ANKS1B: variants seen among roughly 807,000 people sequenced by gnomAD.
ANKS1B encodes the protein ankyrin repeat and sterile alpha motif domain containing 1B.
A neutral mutation model predicts 148.3 loss-of-function variants in ANKS1B; 36 were observed. The ratio of observed to expected loss-of-function variants is 0.24; its 90% CI spans 0.19 to 0.32. The LOEUF is 0.32. ANKS1B is among the 10% of genes least tolerant of loss of function. The pLI, the probability that ANKS1B is intolerant of heterozygous loss-of-function variation, is 1.00. For missense variants in ANKS1B, 1,157 were observed against 1,542.6 expected, an observed-to-expected ratio of 0.75 and a Z score of 4.19; for synonymous variants, 542 against 560.8, an observed-to-expected ratio of 0.97 and a Z score of 0.47.
intron 17 of ANKS1B, among the ~76,000 whole-genome samples, chr12:98,853,941 G>C (rs2099547093): frequency 6.6e-6 from 1 of 152,294 alleles, no homozygotes; most frequent in African/African-American, 2.4e-5. Context: ...CTCGGGGGCT[G>C]TTGTTCCATA....
intron 9 of ANKS1B, among the ~76,000 whole-genome samples, chr12:99,594,867 TAA>T (rs2097741782): frequency 1.3e-5 from 2 of 150,622 alleles, no homozygotes; most frequent in East Asian, 2.0e-4. Context: ...AATCTGATGT[TAA>T]GTGTTCTTAC....
intron 17 of ANKS1B, among the ~76,000 whole-genome samples, chr12:98,985,545 G>T (rs529199611): frequency 1.9e-4 from 29 of 151,296 alleles, no homozygotes; most frequent in Non-Finnish European, 3.4e-4. Flanking sequence ...TATTTTTAGT[G>T]GTTGCTCTAG....
intron 12 of ANKS1B, among the ~76,000 whole-genome samples, chr12:99,319,638 AGTCTGT>A (rs372718609): frequency 0.11 from 16,271 of 152,138 alleles, 842 homozygotes; most frequent in Non-Finnish European, 0.13. Context: ...CCAATTTGCC[AGTCTGT>A]GTCTTTTAAT....
Position 98,782,141 on chromosome 12 carries a change from G to A in ANKS1B, c.3343-4C>T. On this transcript the variant is annotated splice_polypyrimidine_tract_variant and splice_region_variant and intron_variant, in intron 22 of 26. Transcript: ENST00000683438. Reference sequence around the variant, plus strand: ...AAGAACCTACCTGACAGTTAGCCTGGTGGATTTTCCAGTTAAGACAGATGG... The same window carrying A: ...AAGAACCTACCTGACAGTTAGCCTGATGGATTTTCCAGTTAAGACAGATGG... 6.3e-7 allele frequency: 1 copy of A among 1,599,430 alleles called. No individual in the cohort carries two copies. The highest frequency in any genetic ancestry group is 8.5e-7 in the Non-Finnish European group (1 of 1,172,260).
intron 3 of ANKS1B, among the ~76,000 whole-genome samples, chr12:99,808,230 G>A (rs1212328327): frequency 1.3e-5 from 2 of 152,038 alleles, no homozygotes; most frequent in African/African-American, 4.8e-5. Flanking sequence ...GAAGTGTTCA[G>A]ACCCAAACAA....
chr12:99,666,216 G>A (rs573740325), intron 8 of ANKS1B, among the ~76,000 whole-genome samples: 1 of 152,236 alleles, frequency 6.6e-6, no homozygotes, highest in African/African-American at 2.4e-5. Flanking sequence ...ACGTTTATAA[G>A]CCTGGAATCA....
chr12:99,704,772 C>T lies in ANKS1B; in HGVS notation c.1129-49562G>A, dbSNP rs139208949. On this transcript the variant is annotated intron_variant, in intron 8 of 26. Coordinates refer to ENST00000683438, the MANE Select transcript of ANKS1B (RefSeq NM_001352186.2). ...CTCTAGCTAAATCTCTAGAAAGGTG[C>T]TGCATCTGACATTTCTTCAAATTAG... is the stretch of plus-strand genomic sequence containing the variant. 5.3e-3 allele frequency among the ~76,000 whole-genome samples: 801 copies of T among 152,194 alleles called. 7 individuals are homozygous for T. The highest frequency in any genetic ancestry group is 0.017 in the African/African-American group (721 of 41,532).
intron 15 of ANKS1B, among the ~76,000 whole-genome samples, chr12:99,142,493 GA>G (rs1243423173): frequency 6.6e-6 from 1 of 151,404 alleles, no homozygotes; most frequent in Non-Finnish European, 1.5e-5. Flanking sequence ...GGAAGGTTTT[GA>G]AAAAAAATCA....
intron 17 of ANKS1B, among the ~76,000 whole-genome samples, chr12:98,975,686 C>T (rs768609727): frequency 1.2e-4 from 18 of 151,978 alleles, no homozygotes; most frequent in Non-Finnish European, 2.5e-4. Context: ...GTCACAGGTG[C>T]CTCTCTGAGG....
At chr12:99,586,490 T>C (rs1239617165) in intron 9 of ANKS1B, among the ~76,000 whole-genome samples, 1 of 152,206 alleles carries the variant, frequency 6.6e-6, no homozygotes, top group Non-Finnish European at 1.5e-5. Flanking sequence ...TCCCAGTCTC[T>C]AGGAAGTTCC....
intron 9 of ANKS1B, among the ~76,000 whole-genome samples, chr12:99,605,013 G>GAATAAA (rs919822678): frequency 4.6e-5 from 7 of 151,544 alleles, no homozygotes; most frequent in African/African-American, 1.5e-4. Flanking sequence ...TACATAAAAG[G>GAATAAA]AATAAAAACT....
intron 1 of ANKS1B, among the ~76,000 whole-genome samples, chr12:99,927,790 A>G (rs2094509252): frequency 6.6e-6 from 1 of 152,022 alleles, no homozygotes; most frequent in South Asian, 2.1e-4. Flanking sequence ...TCTTTAAAAG[A>G]AAAAAAAGAA....
intron 1 of ANKS1B, among the ~76,000 whole-genome samples, chr12:99,978,202 G>A (rs1335927736): frequency 6.6e-6 from 1 of 152,214 alleles, no homozygotes; most frequent in Non-Finnish European, 1.5e-5. Context: ...CTGCCTTAAT[G>A]TCAGTGAAGA....
At chr12:99,661,297 T>C (rs1360200613) in intron 8 of ANKS1B, among the ~76,000 whole-genome samples, 3 of 152,174 alleles carry the variant, frequency 2.0e-5, no homozygotes, top group Non-Finnish European at 4.4e-5. Flanking sequence ...ACCTTAGGTA[T>C]AGATGAGAAG....
intron 3 of ANKS1B, 96 bp downstream of exon 3, chr12:99,812,059 T>C (rs536830454): frequency 7.0e-7 from 1 of 1,431,750 alleles, no homozygotes; most frequent in Non-Finnish European, 9.3e-7. Context: ...GAAAGGCCTT[T>C]GGGCAAGGTA....
chr12:99,392,587 A>G (rs1246423944), intron 12 of ANKS1B, among the ~76,000 whole-genome samples: 1 of 152,222 alleles, frequency 6.6e-6, no homozygotes, highest in African/African-American at 2.4e-5. Flanking sequence ...TGCCCTTGAG[A>G]AAGTGCTAAT....
intron 17 of ANKS1B, among the ~76,000 whole-genome samples, chr12:99,003,711 G>A (rs916057629): frequency 5.3e-5 from 8 of 152,102 alleles, no homozygotes; most frequent in East Asian, 1.9e-4. Context: ...CACCACTGTT[G>A]TGCAGTAGAG....
At chr12:99,385,550 G>T (rs1593630668) in intron 12 of ANKS1B, among the ~76,000 whole-genome samples, 1 of 152,226 alleles carries the variant, frequency 6.6e-6, no homozygotes, top group Non-Finnish European at 1.5e-5. Flanking sequence ...ACAGGGAAAT[G>T]ATTCAGGTTC....
rs950108640 is a variant in ANKS1B at position 99,401,984 on chromosome 12, T to A, written c.1576-2173A>T. Among the ~76,000 whole-genome samples, 2 of 146,524 alleles carry A rather than the reference T, an allele frequency of 1.4e-5. 1 individual carries two copies. The highest frequency in any genetic ancestry group is 3.0e-5 in the Non-Finnish European group (2 of 66,248). ...TGCCCTCGTACTATAATTGCAGAGTTCAGTAGTCGCAACACAGGTCATATT... is the reference window on the plus strand; with the variant it reads ...TGCCCTCGTACTATAATTGCAGAGTACAGTAGTCGCAACACAGGTCATATT... On this transcript the variant is annotated intron_variant, in intron 11 of 26. Coordinates refer to ENST00000683438, the MANE Select transcript of ANKS1B (RefSeq NM_001352186.2).
Sources: allele counts gnomAD v4.1 joint callset (sites outside exome capture counted in the v4.1 genomes callset), GRCh38; gene constraint gnomAD v4.1.1; transcripts MANE v1.5; gene names NCBI Gene and HGNC (gene_info 2026-07-23, HGNC 2026-07-21).